NRXN2: variants seen among roughly 807,000 people sequenced by gnomAD.
NRXN2 encodes the protein neurexin-2-beta.
NRXN2 carries 29 observed loss-of-function variants against 128.8 expected under a neutral mutation model. The observed-to-expected ratio is 0.23, with a 90% CI of 0.17 to 0.31. NRXN2 has a LOEUF of 0.31. Ranked by LOEUF, NRXN2 falls within the 10% of genes least tolerant of loss-of-function variation. The pLI is 1.00. For synonymous variants in NRXN2, 1,098 were observed against 1,075.2 expected, an observed-to-expected ratio of 1.02 and a Z score of -0.41; for missense variants, 1,881 against 2,452.6, an observed-to-expected ratio of 0.77 and a Z score of 4.92.
chr11:64,639,738 G>A (rs2045374470), intron 17 of NRXN2, among the ~76,000 whole-genome samples: 1 of 152,106 alleles, frequency 6.6e-6, no homozygotes, highest in South Asian at 2.1e-4. Flanking sequence ...GAAGAGAGGA[G>A]AGAAGGCAAG....
rs751918212 is a variant in NRXN2, at chr11:64,660,787, G to A, written c.2151C>T (p.Ile717=). 1.2e-5 allele frequency: 20 copies of A among 1,613,508 alleles called. No individual in the cohort carries two copies. Among genetic ancestry groups the A allele is most frequent in the African/African-American group, 4.0e-5 (3 of 74,904 alleles). ...EGWNRFICDC[I]GTGFLGRVCE... ...AGACCCGCCCAAGAAAGCCGGTCCCGATGCAGTCACAGATGAAGCGGTTCC... is the reference window on the plus strand; with the variant it reads ...AGACCCGCCCAAGAAAGCCGGTCCCAATGCAGTCACAGATGAAGCGGTTCC... The change falls in exon 10 of 23, where the codon ATC becomes ATT. Residue 717 remains isoleucine (I), a synonymous_variant. Transcript: ENST00000265459. This position sits in a 1 kb window ranked among gnomAD's most constrained non-coding sequence, Gnocchi z 5.2.
intron 22 of NRXN2, among the ~76,000 whole-genome samples, chr11:64,612,619 AAGTT>A (rs2040850804): frequency 6.6e-6 from 1 of 152,164 alleles, no homozygotes; most frequent in African/African-American, 2.4e-5. Flanking sequence ...TGGCCCAACA[AAGTT>A]AGCCCCCTTC....
At chr11:64,621,793 G>A (rs1012981055) in intron 21 of NRXN2, among the ~76,000 whole-genome samples, 3 of 152,178 alleles carry the variant, frequency 2.0e-5, no homozygotes, top group African/African-American at 7.2e-5. Context: ...CTGTGCTAAC[G>A]GTCAGAGCAA....
chr11:64,662,018 C>A (rs545999027), intron 9 of NRXN2, among the ~76,000 whole-genome samples: 1 of 150,978 alleles, frequency 6.6e-6, no homozygotes. Context: ...TTTGGGAGGC[C>A]GAGGCGGATG....
chr11:64,617,177 T>C (rs113298382), intron 22 of NRXN2, among the ~76,000 whole-genome samples: 1 of 151,916 alleles, frequency 6.6e-6, no homozygotes, highest in Non-Finnish European at 1.5e-5. Context: ...TGTGTGTGTA[T>C]GTGTGTGTGT....
In NRXN2 at chr11:64,660,965, A is replaced by G. The variant is rs762107817; in HGVS notation, c.1973T>C (p.Val658Ala). 1 of 1,613,906 alleles carries G rather than the reference A, an allele frequency of 6.2e-7. No homozygotes were observed. The highest frequency in any genetic ancestry group is 1.7e-5 in the Admixed American group (1 of 60,030). ...ACGCCCATCTATGAAGAGGTCCCGCACACAGCCCACGTAGCCTGCCCGGAG... is the reference window on the plus strand; with the variant it reads ...ACGCCCATCTATGAAGAGGTCCCGCGCACAGCCCACGTAGCCTGCCCGGAG... ...AALRAGYVGC[V>A]RDLFIDGRSR... The change falls in exon 10 of 23, where the codon GTG (valine) becomes GCG (alanine). Residue 658 changes from valine to alanine, a missense_variant. This residue lies in a region of NRXN2 where 997 missense variants were observed against 1,240.8 expected (regional missense o/e 0.80). Transcript: ENST00000265459. This position sits in a 1 kb window ranked among gnomAD's most constrained non-coding sequence, Gnocchi z 5.2.
Position 64,635,307 on chromosome 11 carries a change from G to A in NRXN2, c.3549C>T (p.Ser1183=), listed in dbSNP as rs1256703194. 1.5e-5 allele frequency: 24 copies of A among 1,613,220 alleles called. No individual in the cohort carries two copies. Among genetic ancestry groups the A allele is most frequent in the Non-Finnish European group, 1.9e-5 (23 of 1,180,008 alleles). The change falls in exon 18 of 23, where the codon AGC becomes AGT. Residue 1183 remains serine (S), a synonymous_variant. Transcript: ENST00000265459. The surrounding 1 kb of genome is among the most constrained non-coding windows in gnomAD (Gnocchi z 4.8). ...QRSAVLVRVD[S]ASGLGDYLQL... is the part of the protein sequence containing the mutation. ...GCAGGTAGTCTCCAAGGCCGGAGGC[G>A]CTGTCCACCCGCACCAGCACAGCGC...
chr11:64,687,996 C>T (rs1390800030), intron 5 of NRXN2, among the ~76,000 whole-genome samples: 1 of 152,116 alleles, frequency 6.6e-6, no homozygotes, highest in Non-Finnish European at 1.5e-5. Flanking sequence ...CTAGTCCCAC[C>T]CAGAAGCCAT....
At chr11:64,643,743 T>C (rs1056942608) in intron 17 of NRXN2, among the ~76,000 whole-genome samples, 44 of 151,718 alleles carry the variant, frequency 2.9e-4, no homozygotes, top group African/African-American at 1.0e-3. Context: ...TCCTCTCCTC[T>C]GCGCGCGCCC....
chr11:64,702,850 C>T (rs531901893), intron 2 of NRXN2, among the ~76,000 whole-genome samples: 3 of 141,630 alleles, frequency 2.1e-5, no homozygotes, highest in East Asian at 4.1e-4. Flanking sequence ...ATTAGCCAGA[C>T]ATGGTGGTGT....
chr11:64,631,524 C>T lies in NRXN2; in HGVS notation c.3586-951G>A, dbSNP rs1385303790. ...CCAGGCCCTGAGTGGGTACTGTACACGCATGCTCTCTTCCCTACACCAACC... is the reference window on the plus strand; with the variant it reads ...CCAGGCCCTGAGTGGGTACTGTACATGCATGCTCTCTTCCCTACACCAACC... On this transcript the variant is annotated intron_variant, in intron 18 of 22. Transcript: ENST00000265459. The surrounding 1 kb of genome is among the most constrained non-coding windows in gnomAD (Gnocchi z 4.8). Among the ~76,000 whole-genome samples, 1 of 152,044 alleles carries T rather than the reference C, an allele frequency of 6.6e-6. No individual in the cohort carries two copies. The highest frequency in any genetic ancestry group is 2.4e-5 in the African/African-American group (1 of 41,364).
rs150380675 is a variant in NRXN2, at chr11:64,631,613, T to C, written c.3586-1040A>G. 5.3e-5 allele frequency among the ~76,000 whole-genome samples: 8 copies of C among 152,170 alleles called. No homozygotes were observed. Among genetic ancestry groups the C allele is most frequent in the Non-Finnish European group, 1.2e-4 (8 of 67,992 alleles). ...GAGACTGAGGCTCAGCATAGTTAAA[T>C]AACATCTCAAAATCTTGCAGCTCAT... is the stretch of plus-strand genomic sequence containing the variant. On this transcript the variant is annotated intron_variant, in intron 18 of 22. Coordinates refer to ENST00000265459, the MANE Select transcript of NRXN2 (RefSeq NM_015080.4). This position sits in a 1 kb window ranked among gnomAD's most constrained non-coding sequence, Gnocchi z 4.8.
Position 64,667,224 on chromosome 11 carries a change from G to A in NRXN2, c.1798+26C>T. On this transcript the variant is annotated intron_variant, in intron 9 of 22. Transcript: ENST00000265459. This position sits in a 1 kb window ranked among gnomAD's most constrained non-coding sequence, Gnocchi z 5.6. ...AGATGGAAAGGGGTGGCCCATGGAAGGGGAAGGGTCCAGAGGCCTCCTGAC... is the reference window on the plus strand; with the variant it reads ...AGATGGAAAGGGGTGGCCCATGGAAAGGGAAGGGTCCAGAGGCCTCCTGAC... 2 of 1,612,296 alleles carry A rather than the reference G, an allele frequency of 1.2e-6. No homozygotes were observed. Among genetic ancestry groups the A allele is most frequent in the Non-Finnish European group, 1.7e-6 (2 of 1,178,570 alleles).
Position 64,713,643 on chromosome 11 carries a change from C to T in NRXN2, c.57G>A (p.Leu19=). The stretch of plus-strand genomic sequence containing the variant: ...CGTCCGCGCGCGCCGCCAGCGCCAG[C>T]AGCAGCAGCAACAGCAGCGGCGGCG... The part of the protein sequence containing the change: ...PTPPPLLLLL[L]LALAARADGL... The change falls in exon 2 of 23, where the codon CTG becomes CTA. Residue 19 remains leucine, a synonymous_variant. Transcript: ENST00000265459. The T allele has an allele frequency of 1.6e-6, 2 of 1,240,574 alleles. No individual in the cohort carries two copies. The highest frequency in any genetic ancestry group is 2.0e-6 in the Non-Finnish European group (2 of 987,384). The allele number at this position is 1,240,574 out of a possible 1,614,324, so 76.8% of individuals were successfully genotyped here. A position where few individuals can be genotyped will look rare whatever the true frequency, so the allele number is the denominator to read the frequency against.
At chr11:64,661,188 G>A (rs781598507) in intron 9 of NRXN2, 49 bp from the exon 10 acceptor site, 33 of 1,610,810 alleles carry the variant, frequency 2.0e-5, no homozygotes, top group Non-Finnish European at 2.6e-5. Context: ...GGCCAGAAAG[G>A]GACATCCTGA....
intron 1 of NRXN2, among the ~76,000 whole-genome samples, chr11:64,718,857 T>G (rs1180277794): frequency 6.6e-6 from 1 of 152,114 alleles, no homozygotes; most frequent in Non-Finnish European, 1.5e-5. Context: ...CCCCATGCCT[T>G]TCCACACCCA....
At chr11:64,702,859 G>A (rs1253378250) in intron 2 of NRXN2, among the ~76,000 whole-genome samples, 3 of 149,186 alleles carry the variant, frequency 2.0e-5, no homozygotes, top group African/African-American at 4.9e-5. Flanking sequence ...ACATGGTGGT[G>A]TGCGCCTGTA....
intron 7 of NRXN2, 141 bp downstream of exon 7, chr11:64,676,852 G>T: frequency 1.4e-6 from 1 of 695,204 alleles, no homozygotes; most frequent in Non-Finnish European, 2.6e-6. Context: ...AAAATCTAAA[G>T]ATTGTCCAGG....
At chr11:64,698,956 G>A (rs1352547631) in intron 2 of NRXN2, among the ~76,000 whole-genome samples, 1 of 152,130 alleles carries the variant, frequency 6.6e-6, no homozygotes, top group Non-Finnish European at 1.5e-5. Context: ...AACCCAGTGG[G>A]GAAACACATA....
Sources: gnomAD v4.1 joint callset for allele counts (sites outside exome capture counted in the v4.1 genomes callset) on GRCh38, gnomAD v4.1.1 for gene constraint, gnomAD v4.1.1 regional missense constraint, Gnocchi (gnomAD v3.1) non-coding constraint, MANE v1.5 for transcripts, NCBI Gene and HGNC (gene_info 2026-07-23, HGNC 2026-07-21) for gene names.